The following GOLM1 variants were observed in gnomAD, a reference collection of about 807,000 sequenced individuals.
The protein encoded by GOLM1 is golgi membrane protein 1, also known as epididymis luminal protein 46.
GOLM1 carries 31 observed loss-of-function variants against 50.5 expected under a neutral mutation model. The observed-to-expected ratio is 0.61, with a 90% CI of 0.46 to 0.83. The LOEUF is 0.83. Among genes scored for constraint, GOLM1 ranks in the 40% least tolerant of loss-of-function variants. The pLI, the probability that GOLM1 is intolerant of heterozygous loss-of-function variation, is 0.00. For synonymous variants in GOLM1, 178 were observed against 192.8 expected (o/e 0.92, Z 0.64); for missense variants, 491 against 501.3 (o/e 0.98, Z 0.20).
intron 6 of GOLM1, among the ~76,000 whole-genome samples, chr9:86,039,019 A>AT (rs1360653401): frequency 1.3e-5 from 2 of 152,138 alleles, no homozygotes; most frequent in African/African-American, 4.8e-5. Context: ...ACCCCACAGA[A>AT]TTGGGAAAAA....
intron 9 of GOLM1, among the ~76,000 whole-genome samples, chr9:86,029,721 A>T (rs574970222): frequency 6.6e-6 from 1 of 152,310 alleles, no homozygotes; most frequent in African/African-American, 2.4e-5. Context: ...TCTTAAAATA[A>T]TGTTGAAGCT....
At chr9:86,069,235 A>G (rs1407540481) in intron 3 of GOLM1, among the ~76,000 whole-genome samples, 2 of 152,110 alleles carry the variant, frequency 1.3e-5, no homozygotes, top group African/African-American at 4.8e-5. Flanking sequence ...AAATTTGCTT[A>G]TAACATTATT....
chr9:86,029,022 TTTG>T (rs1489730504), intron 9 of GOLM1, among the ~76,000 whole-genome samples: 3 of 152,042 alleles, frequency 2.0e-5, no homozygotes, highest in Admixed American at 1.3e-4. Flanking sequence ...CTGATTTCTT[TTTG>T]TTGTTGTAGT....
chr9:86,053,425 C>CTCCACACCATACACATCACAT (rs2118738697), intron 3 of GOLM1, among the ~76,000 whole-genome samples: 1 of 109,772 alleles, frequency 9.1e-6, no homozygotes, highest in South Asian at 2.7e-4. Flanking sequence ...CACCAAACCA[C>CTCCACACCATACACATCACAT]ACCACACCAC....
intron 3 of GOLM1, among the ~76,000 whole-genome samples, chr9:86,062,833 C>G (rs1178502163): frequency 6.6e-6 from 1 of 152,160 alleles, no homozygotes; most frequent in African/African-American, 2.4e-5. Flanking sequence ...AATAAAACTT[C>G]CAGGAGGATC....
chr9:86,086,897 G>A lies in GOLM1; in HGVS notation c.-21-7556C>T, dbSNP rs561218167. 2.6e-5 allele frequency among the ~76,000 whole-genome samples: 4 copies of A among 152,270 alleles called. No homozygotes were observed. In the East Asian group the frequency reaches 5.8e-4, roughly 22 times the overall value. On this transcript the variant is annotated intron_variant, in intron 1 of 9. Coordinates refer to ENST00000388712, the MANE Select transcript of GOLM1 (RefSeq NM_016548.4). ...GAAGTCAGGCAGCATGATGCCTCCA[G>A]CTTTGTCTTTTTGCTTAGGATTGTC...
At position 86,073,612 on chromosome 9, in the gene GOLM1, A is replaced by G. The variant is rs1193522074; in HGVS notation, c.309+3800T>C. ...ACACTGCTCCCGAACCTTACAGAGAAGGGGGAAAGGCACCAAGGAACCACA... is the reference window on the plus strand; with the variant it reads ...ACACTGCTCCCGAACCTTACAGAGAGGGGGGAAAGGCACCAAGGAACCACA... On this transcript the variant is annotated intron_variant, in intron 3 of 9. Coordinates refer to ENST00000388712, the MANE Select transcript of GOLM1 (RefSeq NM_016548.4). Among the ~76,000 whole-genome samples the G allele has an allele frequency of 3.9e-5, 6 of 152,120 alleles. 1 individual carries two copies. Among genetic ancestry groups the G allele is most frequent in the Admixed American group, 3.3e-4 (5 of 15,268 alleles).
At position 86,044,223 on chromosome 9, in the gene GOLM1, C is replaced by A. The variant is rs11141189; in HGVS notation, c.467+2247G>T. Among the ~76,000 whole-genome samples the A allele has an allele frequency of 1.3e-3, 192 of 152,184 alleles. 1 individual carries two copies. Among genetic ancestry groups the A allele is most frequent in the Middle Eastern group, 3.4e-3 (1 of 294 alleles). On this transcript the variant is annotated intron_variant, in intron 5 of 9. Transcript: ENST00000388712. ...AAAGGCCTACTGGGGACAAGACTGCCCCCACGTGAGAACCACTGGCATAGC... is the reference window on the plus strand; with the variant it reads ...AAAGGCCTACTGGGGACAAGACTGCACCCACGTGAGAACCACTGGCATAGC...
intron 3 of GOLM1, among the ~76,000 whole-genome samples, chr9:86,062,830 C>T (rs915259699): frequency 3.9e-5 from 6 of 152,144 alleles, no homozygotes; most frequent in African/African-American, 1.4e-4. Context: ...TCAAATAAAA[C>T]TTCCAGGAGG....
chr9:86,064,404 C>G (rs1168449207), intron 3 of GOLM1, among the ~76,000 whole-genome samples: 1 of 152,192 alleles, frequency 6.6e-6, no homozygotes, highest in Non-Finnish European at 1.5e-5. Flanking sequence ...GTCACGGGGC[C>G]TGTTGATCCC....
At chr9:86,055,597 T>G (rs1432852373) in intron 3 of GOLM1, among the ~76,000 whole-genome samples, 3 of 152,176 alleles carry the variant, frequency 2.0e-5, no homozygotes, top group African/African-American at 7.2e-5. Context: ...CAATGAAATA[T>G]TATGCTACCT....
intron 1 of GOLM1, among the ~76,000 whole-genome samples, chr9:86,088,421 T>TGTGC (rs1491219700): frequency 0.057 from 270 of 4,732 alleles, 6 homozygotes; most frequent in Middle Eastern, 0.5. Flanking sequence ...TTGAAGGGTG[T>TGTGC]ATATATATAT....
intron 8 of GOLM1, among the ~76,000 whole-genome samples, chr9:86,033,667 C>T (rs1311645105): frequency 3.3e-5 from 5 of 152,124 alleles, no homozygotes; most frequent in African/African-American, 1.2e-4. Flanking sequence ...ACCCAAATCT[C>T]AATTTTTTAA....
At chr9:86,036,636 C>T (rs1374943841) in intron 6 of GOLM1, 129 bp from the exon 7 acceptor site, 11 of 900,146 alleles carry the variant, frequency 1.2e-5, no homozygotes, top group South Asian at 1.7e-5. Flanking sequence ...CCCCGAGAAA[C>T]GCCACAGTCT....
intron 1 of GOLM1, among the ~76,000 whole-genome samples, chr9:86,086,429 G>A (rs981863659): frequency 9.2e-5 from 14 of 152,158 alleles, no homozygotes; most frequent in East Asian, 3.9e-4. Flanking sequence ...TCACTCTGAT[G>A]ATAGCCTCTT....
chr9:86,034,895 A>G (rs775839995), intron 8 of GOLM1: 1 of 564,310 alleles, frequency 1.8e-6, no homozygotes, highest in African/African-American at 2.0e-5. Context: ...AACCAAACCA[A>G]AAAGGAGTGA....
At chr9:86,083,952 T>C (rs1408173757) in intron 1 of GOLM1, among the ~76,000 whole-genome samples, 8 of 152,234 alleles carry the variant, frequency 5.3e-5, no homozygotes, top group Non-Finnish European at 1.0e-4. Flanking sequence ...TACATTTCAC[T>C]GCAGAAAGAT....
At chr9:86,081,502 G>C (rs532847833) in intron 1 of GOLM1, among the ~76,000 whole-genome samples, 1 of 152,198 alleles carries the variant, frequency 6.6e-6, no homozygotes, top group East Asian at 1.9e-4. Context: ...AGCTAACCTT[G>C]TTTTTAAAAT....
chr9:86,072,533 A>C (rs763650929), intron 3 of GOLM1, among the ~76,000 whole-genome samples: 2 of 152,204 alleles, frequency 1.3e-5, no homozygotes, highest in Non-Finnish European at 2.9e-5. Flanking sequence ...TATTCTGGGA[A>C]AAAAGCAGTG....
Sources: allele counts gnomAD v4.1 joint callset (sites outside exome capture counted in the v4.1 genomes callset), GRCh38; gene constraint gnomAD v4.1.1; transcripts MANE v1.5; gene names NCBI Gene and HGNC (gene_info 2026-07-23, HGNC 2026-07-21).